Variants in AP3B1 observed in about 807,000 individuals in gnomAD.
AP3B1 encodes adaptor related protein complex 3 subunit beta 1.
Under a neutral mutation model 132.5 loss-of-function variants are expected in AP3B1, and 61 were observed. The observed-to-expected ratio is 0.46, with a 90% CI of 0.37 to 0.57. AP3B1 has a LOEUF of 0.57. Among genes scored for constraint, AP3B1 ranks in the 20% least tolerant of loss-of-function variants. AP3B1 has a pLI of 0.00. For synonymous variants in AP3B1, 388 were observed against 438.3 expected, an observed-to-expected ratio of 0.89 and a Z score of 1.43; for missense variants, 1,120 against 1,289.4, an observed-to-expected ratio of 0.87 and a Z score of 2.01.
At chr5:78,139,867 C>T (rs991840399) in intron 15 of AP3B1, among the ~76,000 whole-genome samples, 13 of 150,782 alleles carry the variant, frequency 8.6e-5, no homozygotes, top group Admixed American at 3.3e-4. Flanking sequence ...GGGCGGGGCA[C>T]GAAGGGATGA....
chr5:78,075,463 GA>G (rs1219000887), intron 22 of AP3B1, among the ~76,000 whole-genome samples: 2 of 152,104 alleles, frequency 1.3e-5, no homozygotes, highest in Non-Finnish European at 2.9e-5. Flanking sequence ...TTTCCCAGTT[GA>G]GTTCCTACAA....
intron 1 of AP3B1, among the ~76,000 whole-genome samples, chr5:78,268,404 G>GA (rs1207796846): frequency 2.0e-5 from 3 of 150,616 alleles, no homozygotes; most frequent in African/African-American, 2.4e-5. Flanking sequence ...AGTTAGGTAA[G>GA]AAAAAAAAAG....
rs377450871 is a variant in AP3B1, at chr5:78,268,212, CTT to C, written c.129-619_129-618del. Among the ~76,000 whole-genome samples the C allele has an allele frequency of 4.9e-3, 744 of 152,250 alleles. 4 individuals carry two copies. The highest frequency in any genetic ancestry group is 0.017 in the African/African-American group (689 of 41,552). On this transcript the variant is annotated intron_variant, in intron 1 of 26. Coordinates refer to ENST00000255194, the MANE Select transcript of AP3B1 (RefSeq NM_003664.5). ...AGGAATTTAGGATCCCTGCATAAAA[CTT>C]TTCAGGCTCTTTCAGATTTCACAGG...
chr5:78,219,702 AAT>A (rs2112481957), intron 6 of AP3B1, among the ~76,000 whole-genome samples: 1 of 152,174 alleles, frequency 6.6e-6, no homozygotes, highest in South Asian at 2.1e-4. Flanking sequence ...ATTATATTTT[AAT>A]ATATTTATAA....
At chr5:78,168,248 A>T (rs1361744023) in intron 11 of AP3B1, among the ~76,000 whole-genome samples, 2 of 147,056 alleles carry the variant, frequency 1.4e-5, no homozygotes, top group Non-Finnish European at 3.0e-5. Flanking sequence ...TTTTGAGACA[A>T]GGTCTTACTC....
intron 20 of AP3B1, among the ~76,000 whole-genome samples, chr5:78,106,716 A>T (rs1751355363): frequency 6.6e-6 from 1 of 152,168 alleles, no homozygotes; most frequent in Non-Finnish European, 1.5e-5. Flanking sequence ...AAGAAGAAAC[A>T]GACATGAGAA....
At chr5:78,048,535 G>A (rs1367912369) in intron 22 of AP3B1, among the ~76,000 whole-genome samples, 1 of 152,082 alleles carries the variant, frequency 6.6e-6, no homozygotes, top group Non-Finnish European at 1.5e-5. Flanking sequence ...TTGGTACCTA[G>A]TAATTTGAGC....
At chr5:78,109,978 T>G (rs1476056411) in intron 20 of AP3B1, among the ~76,000 whole-genome samples, 1 of 151,616 alleles carries the variant, frequency 6.6e-6, no homozygotes, top group South Asian at 2.1e-4. Flanking sequence ...ACCCCCCCCT[T>G]GTCACAACCT....
intron 22 of AP3B1, among the ~76,000 whole-genome samples, chr5:78,046,203 C>T (rs1474176799): frequency 2.0e-5 from 3 of 152,184 alleles, no homozygotes; most frequent in Non-Finnish European, 4.4e-5. Flanking sequence ...GGAATCCGGC[C>T]GCACAGCAGG....
At chr5:78,120,162 G>A (rs766651355) in intron 17 of AP3B1, among the ~76,000 whole-genome samples, 4 of 152,158 alleles carry the variant, frequency 2.6e-5, no homozygotes, top group East Asian at 1.9e-4. Flanking sequence ...GTCACCACCC[G>A]GCCTGCCCTA....
At chr5:78,015,572 C>T in intron 25 of AP3B1, 24 bp from the exon 26 acceptor site, 1 of 1,611,182 alleles carries the variant, frequency 6.2e-7, no homozygotes, top group Non-Finnish European at 8.5e-7. Flanking sequence ...AGAAGGCTCC[C>T]TTTTATTAAT....
intron 13 of AP3B1, among the ~76,000 whole-genome samples, chr5:78,161,184 A>G (rs1743373387): frequency 6.6e-6 from 1 of 152,014 alleles, no homozygotes; most frequent in African/African-American, 2.4e-5. Flanking sequence ...TAGAATATTT[A>G]TCTTTTAAAG....
intron 17 of AP3B1, among the ~76,000 whole-genome samples, chr5:78,120,573 A>T (rs919017818): frequency 6.6e-6 from 1 of 152,178 alleles, no homozygotes; most frequent in Non-Finnish European, 1.5e-5. Flanking sequence ...CTTTAAACCA[A>T]CAAAGATCAA....
chr5:78,030,761 T>A (rs562009166), intron 24 of AP3B1, among the ~76,000 whole-genome samples: 1 of 152,246 alleles, frequency 6.6e-6, no homozygotes, highest in African/African-American at 2.4e-5. Flanking sequence ...ACTGGAGCCT[T>A]GAACTCCTGG....
In AP3B1 at chr5:78,126,025, C is replaced by T. The variant is rs182845012; in HGVS notation, c.1968+2005G>A. ...GGGCAGCAAGGAGGGAGAGATAAGG[C>T]GGAAGCAGGGGAAGGTTAAAAGGAT... On this transcript the variant is annotated intron_variant, in intron 17 of 26. Coordinates refer to ENST00000255194, the MANE Select transcript of AP3B1 (RefSeq NM_003664.5). Among the ~76,000 whole-genome samples the T allele has an allele frequency of 1.3e-4, 19 of 150,270 alleles. No homozygotes were observed. In the East Asian group the frequency reaches 3.2e-3, roughly 25 times the overall value.
At chr5:78,136,558 G>T (rs182540016) in intron 15 of AP3B1, among the ~76,000 whole-genome samples, 15 of 152,220 alleles carry the variant, frequency 9.9e-5, no homozygotes, top group Admixed American at 7.2e-4. Flanking sequence ...CTCATTAGGA[G>T]GCACAACTTT....
intron 20 of AP3B1, among the ~76,000 whole-genome samples, chr5:78,105,733 G>A (rs941341412): frequency 4.6e-5 from 7 of 152,016 alleles, no homozygotes; most frequent in Admixed American, 3.3e-4. Context: ...CATAAAATAC[G>A]CTTATCAATC....
chr5:78,168,837 G>T (rs912629946), intron 11 of AP3B1, among the ~76,000 whole-genome samples: 3 of 152,122 alleles, frequency 2.0e-5, no homozygotes, highest in Non-Finnish European at 4.4e-5. Context: ...GTATTAAGTT[G>T]TCTCCTTTGG....
intron 24 of AP3B1, among the ~76,000 whole-genome samples, chr5:78,026,044 G>A (rs1296953902): frequency 6.6e-6 from 1 of 152,016 alleles, no homozygotes; most frequent in South Asian, 2.1e-4. Context: ...CCTTCTTTTT[G>A]ATTTATTTCT....
Sources: allele counts gnomAD v4.1 joint callset (sites outside exome capture counted in the v4.1 genomes callset), GRCh38; gene constraint gnomAD v4.1.1; transcripts MANE v1.5; gene names NCBI Gene and HGNC (gene_info 2026-07-23, HGNC 2026-07-21).